Variants in LYRM4 observed in about 807,000 individuals in gnomAD.
The protein encoded by LYRM4 is LYR motif containing 4, also known as LYR motif-containing protein 4.
In LYRM4, 9 loss-of-function variants were observed where a neutral mutation model predicts 11.7. That is an observed-to-expected ratio of 0.77 (90% CI 0.46 to 1.34). The LOEUF is 1.34. LYRM4 is among the 40% of genes most tolerant of loss of function. The pLI, the probability that LYRM4 is intolerant of heterozygous loss-of-function variation, is 0.00. For synonymous variants in LYRM4, 42 were observed against 40.4 expected (o/e 1.04, Z -0.15); for missense variants, 133 against 112.5 (o/e 1.18, Z -0.82).
intron 2 of LYRM4, among the ~76,000 whole-genome samples, chr6:5,201,421 G>C (rs1236223927): frequency 6.6e-6 from 1 of 152,140 alleles, no homozygotes; most frequent in African/African-American, 2.4e-5. Flanking sequence ...AACTGGCAAG[G>C]GGTAAAGGGG....
At chr6:5,234,530 G>A (rs895997341) in intron 1 of LYRM4, among the ~76,000 whole-genome samples, 1 of 152,236 alleles carries the variant, frequency 6.6e-6, no homozygotes, top group African/African-American at 2.4e-5. Context: ...AACTCAGCCA[G>A]GGGCTTTGAG....
the LYRM4 span, among the ~76,000 whole-genome samples, chr6:5,083,988 A>G: frequency 6.6e-6 from 1 of 152,120 alleles, no homozygotes; most frequent in Non-Finnish European, 1.5e-5. Context: ...AACGCTAGGG[A>G]GCTGGGAGCA....
the LYRM4 span, chr6:5,086,322 ACC>A: frequency 1.3e-6 from 2 of 1,535,588 alleles, no homozygotes; most frequent in African/African-American, 1.4e-5. Flanking sequence ...AGCCAGAGGC[ACC>A]GTCTGGGGCC....
In LYRM4 at chr6:5,108,926, A is replaced by G; in HGVS notation, c.*497T>C. 1.0e-6 allele frequency: 1 copy of G among 995,346 alleles called. No homozygotes were observed. Among genetic ancestry groups the G allele is most frequent in the Non-Finnish European group, 1.2e-6 (1 of 835,052 alleles). The allele number at this position is 995,346 out of a possible 1,614,324, so 61.7% of individuals were successfully genotyped here. On this transcript the variant is annotated 3_prime_UTR_variant, in exon 3 of 3. Transcript: ENST00000330636. ...CTACTCCATGCTGCCCCCAGTCTCA[A>G]GTGGTGCTTGAACTTGCCTTCACCA...
chr6:5,254,859 T>C (rs565244863), intron 1 of LYRM4, among the ~76,000 whole-genome samples: 2 of 152,332 alleles, frequency 1.3e-5, no homozygotes, highest in East Asian at 3.9e-4. Flanking sequence ...ATCGGTTATC[T>C]ACTCTCATGT....
At chr6:5,042,988 G>A in the LYRM4 span, 9 of 152,294 alleles carry the variant, frequency 5.9e-5, no homozygotes, top group Non-Finnish European at 1.2e-4. Flanking sequence ...CTGCAGGCCA[G>A]TGAATCCTCT....
chr6:5,043,921 G>A, the LYRM4 span, among the ~76,000 whole-genome samples: 5 of 152,170 alleles, frequency 3.3e-5, no homozygotes, highest in African/African-American at 1.2e-4. Context: ...TTGCCTTCCT[G>A]TTTCTTCCCA....
chr6:5,136,146 G>A (rs542249434), intron 2 of LYRM4: 113 of 313,036 alleles, frequency 3.6e-4, no homozygotes, highest in Non-Finnish European at 4.8e-4. Flanking sequence ...TCATCCAGGC[G>A]TCTGTTGAGG....
intron 2 of LYRM4, among the ~76,000 whole-genome samples, chr6:5,115,350 A>C (rs1402984425): frequency 1.3e-5 from 2 of 152,204 alleles, no homozygotes; most frequent in Non-Finnish European, 2.9e-5. Context: ...CTTTGGCGGC[A>C]CACTTATCAT....
chr6:5,186,915 C>G, intron 2 of LYRM4: 1 of 453,210 alleles, frequency 2.2e-6, no homozygotes, highest in South Asian at 3.0e-5. Flanking sequence ...ACCAGGGAGG[C>G]AGAGGTTGTA....
intron 1 of LYRM4, among the ~76,000 whole-genome samples, chr6:5,226,817 C>T (rs75887672): frequency 0.032 from 4,899 of 152,142 alleles, 96 homozygotes; most frequent in East Asian, 0.1. Flanking sequence ...GAAATTTATG[C>T]CTCCTAAATT....
the LYRM4 span, among the ~76,000 whole-genome samples, chr6:5,060,608 A>T: frequency 0.014 from 2,162 of 151,986 alleles, 36 homozygotes; most frequent in African/African-American, 0.034. Flanking sequence ...ATCAGCTCAC[A>T]CGTCTGCCTC....
intron 2 of LYRM4, among the ~76,000 whole-genome samples, chr6:5,198,649 C>T (rs1035704471): frequency 2.0e-5 from 3 of 152,172 alleles, no homozygotes; most frequent in African/African-American, 7.2e-5. Flanking sequence ...CCCAGTAATA[C>T]CCATCTCTTA....
At chr6:5,213,524 G>C (rs1762094146) in intron 2 of LYRM4, among the ~76,000 whole-genome samples, 1 of 152,204 alleles carries the variant, frequency 6.6e-6, no homozygotes, top group South Asian at 2.1e-4. Flanking sequence ...GTGAAGCTGG[G>C]ATCCATGTGC....
chr6:5,134,558 C>A (rs1257208579), intron 2 of LYRM4, among the ~76,000 whole-genome samples: 1 of 152,186 alleles, frequency 6.6e-6, no homozygotes, highest in African/African-American at 2.4e-5. Context: ...TAAAAAGAAT[C>A]ATCTTTTCAG....
At chr6:5,072,010 GT>G in the LYRM4 span, among the ~76,000 whole-genome samples, 13 of 152,054 alleles carry the variant, frequency 8.5e-5, no homozygotes, top group Non-Finnish European at 1.5e-4. Context: ...CCCAGCGTGT[GT>G]TTTTCCCCAC....
At chr6:5,074,286 C>A in the LYRM4 span, among the ~76,000 whole-genome samples, 1 of 151,892 alleles carries the variant, frequency 6.6e-6, no homozygotes, top group African/African-American at 2.4e-5. Flanking sequence ...TGAGTGGAAG[C>A]CATTATTACT....
intron 2 of LYRM4, among the ~76,000 whole-genome samples, chr6:5,160,586 T>C (rs1758696466): frequency 6.6e-6 from 1 of 152,068 alleles, no homozygotes; most frequent in African/African-American, 2.4e-5. Context: ...CTGCACATGC[T>C]CTCTTGCCTG....
chr6:5,089,567 T>C, the LYRM4 span: 1 of 152,242 alleles, frequency 6.6e-6, no homozygotes, highest in Non-Finnish European at 1.5e-5. Context: ...TTTAGTGGTA[T>C]GTACAGAAGA....
Sources: allele counts gnomAD v4.1 joint callset (sites outside exome capture counted in the v4.1 genomes callset), GRCh38; gene constraint gnomAD v4.1.1; transcripts MANE v1.5; gene names NCBI Gene and HGNC (gene_info 2026-07-23, HGNC 2026-07-21).